H6PD: variants seen among roughly 807,000 people sequenced by gnomAD.
H6PD encodes GDH/6PGL endoplasmic bifunctional protein.
In H6PD, 48 loss-of-function variants were observed where a neutral mutation model predicts 61.2. The observed-to-expected ratio is 0.78, with a 90% CI of 0.62 to 1.00. The LOEUF is 1.00. Among genes scored for constraint, H6PD ranks in the 50% least tolerant of loss-of-function variants. The pLI is 0.00. For synonymous variants in H6PD, 480 were observed against 457.9 expected, an observed-to-expected ratio of 1.05 and a Z score of -0.62; for missense variants, 1,093 against 1,065.0, an observed-to-expected ratio of 1.03 and a Z score of -0.37.
rs1386319292 is a variant in H6PD at position 9,245,161 on chromosome 1, T to A, written c.227T>A (p.Leu76His). The change falls in exon 2 of 5, where the codon CTC becomes CAC. Residue 76 changes from leucine (L) to histidine (H), a missense_variant. Transcript: ENST00000377403. The surrounding 1 kb of genome is among the most constrained non-coding windows in gnomAD (Gnocchi z 4.8). ...ACAGCCCCCAAGCAGGGTCAAGAGCTCATGGCCAAGGCCCTGGAATCCCTC... is the reference window on the plus strand; with the variant it reads ...ACAGCCCCCAAGCAGGGTCAAGAGCACATGGCCAAGGCCCTGGAATCCCTC... ...ALTAPKQGQE[L>H]MAKALESLSC... is the part of the protein sequence containing the mutation. 6.2e-7 allele frequency: 1 copy of A among 1,614,074 alleles called. No homozygotes were observed. Among genetic ancestry groups the A allele is most frequent in the Non-Finnish European group, 8.5e-7 (1 of 1,180,048 alleles).
At chr1:9,250,572 T>C (rs1477787952) in intron 3 of H6PD, among the ~76,000 whole-genome samples, 2 of 150,548 alleles carry the variant, frequency 1.3e-5, no homozygotes, top group African/African-American at 4.9e-5. Context: ...CTCCCTACCC[T>C]GTCCTCTGCC....
chr1:9,251,808 C>T (rs1480494012), intron 3 of H6PD, among the ~76,000 whole-genome samples: 1 of 152,062 alleles, frequency 6.6e-6, no homozygotes, highest in Non-Finnish European at 1.5e-5. Flanking sequence ...TCTCCTTGGC[C>T]CTCACCTCTT....
intron 4 of H6PD, among the ~76,000 whole-genome samples, chr1:9,262,799 C>T (rs1638369250): frequency 6.6e-6 from 1 of 152,226 alleles, no homozygotes; most frequent in Non-Finnish European, 1.5e-5. Context: ...GCAGTAAGAG[C>T]CACAGCTGCC....
At position 9,254,956 on chromosome 1, in the gene H6PD, C is replaced by T. The variant is rs1373768381; in HGVS notation, c.746-7103C>T. On this transcript the variant is annotated intron_variant, in intron 3 of 4. Transcript: ENST00000377403. This position sits in a 1 kb window ranked among gnomAD's most constrained non-coding sequence, Gnocchi z 4.6. The stretch of plus-strand genomic sequence containing the variant: ...GATATTTTGTACATATAGGATCATA[C>T]GGTGTGTGGTTTCCATCAGTTAGCA... 2.6e-5 allele frequency among the ~76,000 whole-genome samples: 4 copies of T among 152,180 alleles called. No homozygotes were observed. Among genetic ancestry groups the T allele is most frequent in the East Asian group, 3.8e-4 (2 of 5,202 alleles).
At chr1:9,262,842 T>C (rs114466775) in intron 4 of H6PD, among the ~76,000 whole-genome samples, 10,581 of 152,234 alleles carry the variant, frequency 0.07, 1,193 homozygotes, top group African/African-American at 0.24. Flanking sequence ...AGGTGCTTTA[T>C]AGATGCCTCT....
chr1:9,243,804 C>T (rs567249059), intron 1 of H6PD, among the ~76,000 whole-genome samples: 105 of 148,940 alleles, frequency 7.0e-4, no homozygotes, highest in African/African-American at 2.1e-3. Context: ...TTGGTCCTCA[C>T]CTTGGGTTGG....
At chr1:9,255,072 A>G (rs981869189) in intron 3 of H6PD, among the ~76,000 whole-genome samples, 3 of 152,222 alleles carry the variant, frequency 2.0e-5, no homozygotes, top group African/African-American at 4.8e-5. Flanking sequence ...TAGATATACC[A>G]TAATTTATCC....
chr1:9,258,324 C>T (rs1641589967), intron 3 of H6PD, among the ~76,000 whole-genome samples: 1 of 151,986 alleles, frequency 6.6e-6, no homozygotes, highest in Non-Finnish European at 1.5e-5. Context: ...TATTGTTACG[C>T]CAGGGTTGTT....
chr1:9,262,445 G>T (rs1304767137), intron 4 of H6PD, 117 bp downstream of exon 4: 1 of 975,556 alleles, frequency 1.0e-6, no homozygotes, highest in Non-Finnish European at 1.5e-6. Flanking sequence ...TTCCCCCAGG[G>T]TGCTCGGAGG....
At chr1:9,263,077 C>T (rs1290815794) in intron 4 of H6PD, among the ~76,000 whole-genome samples, 1 of 152,100 alleles carries the variant, frequency 6.6e-6, no homozygotes, top group Non-Finnish European at 1.5e-5. Flanking sequence ...ACCTCTGACC[C>T]TGCGTCGGGT....
At position 9,269,247 on chromosome 1, in the gene H6PD, C is replaced by A. The variant is rs1638672895; in HGVS notation, c.*4378C>A. 6.6e-6 allele frequency: 1 copy of A among 152,326 alleles called. No individual in the cohort carries two copies. Among genetic ancestry groups the A allele is most frequent in the South Asian group, 2.1e-4 (1 of 4,836 alleles). 9.4% of individuals were successfully genotyped at this position (152,326 alleles called of 1,614,324 possible). A position where few individuals can be genotyped will look rare whatever the true frequency, so the allele number is the denominator to read the frequency against. Reference sequence around the variant, plus strand: ...CTAGGGGCCGCTTACCCCTGGCCGTCCGCTGGCTGAACTGAACGCATTCCC... The same window carrying A: ...CTAGGGGCCGCTTACCCCTGGCCGTACGCTGGCTGAACTGAACGCATTCCC... On this transcript the variant is annotated 3_prime_UTR_variant, in exon 5 of 5. Transcript: ENST00000377403. This position sits in a 1 kb window ranked among gnomAD's most constrained non-coding sequence, Gnocchi z 4.3.
intron 3 of H6PD, among the ~76,000 whole-genome samples, chr1:9,249,919 C>T (rs1641306750): frequency 6.6e-6 from 1 of 152,214 alleles, no homozygotes; most frequent in Admixed American, 6.5e-5. Context: ...AATGAGCTTG[C>T]TTGCTGCCTC....
At position 9,245,700 on chromosome 1, in the gene H6PD, G is replaced by A; in HGVS notation, c.627+139G>A. ...AGCTCCCATGGTCTCCTTGAAGGTG[G>A]GCAGGAGGCGAGCGGGTAAAGGAAA... is the stretch of plus-strand genomic sequence containing the variant. On this transcript the variant is annotated intron_variant, in intron 2 of 4. Coordinates refer to ENST00000377403, the MANE Select transcript of H6PD (RefSeq NM_004285.4). This position sits in a 1 kb window ranked among gnomAD's most constrained non-coding sequence, Gnocchi z 4.8. The A allele has an allele frequency of 3.5e-6, 3 of 856,034 alleles. No individual in the cohort carries two copies. The highest frequency in any genetic ancestry group is 5.8e-6 in the Non-Finnish European group (3 of 519,770). The allele number at this position is 856,034 out of a possible 1,614,324, so 53.0% of individuals were successfully genotyped here.
rs529376152 is a variant in H6PD at position 9,243,511 on chromosome 1, C to T, written c.-10-1414C>T. Among the ~76,000 whole-genome samples the T allele has an allele frequency of 2.0e-5, 3 of 152,272 alleles. No homozygotes were observed. In the East Asian group the frequency reaches 5.8e-4, roughly 29 times the overall value. ...TTCTGACTAGTTCCCATGGGCATGC[C>T]GGCCGTGATGACTTTCCCCCTCACT... On this transcript the variant is annotated intron_variant, in intron 1 of 4. Transcript: ENST00000377403.
rs368005946 is a variant in H6PD at position 9,264,358 on chromosome 1, G to A, written c.1865G>A (p.Arg622His). ...AHTHLWLVDE[R>H]CVPLSDPESN... ...ACGCACCTGTGGCTGGTTGACGAGC[G>A]CTGCGTCCCACTCTCAGACCCGGAG... Residue 622 changes from arginine to histidine, a missense_variant, in exon 5 of 5, where the codon CGC becomes CAC. Arg to His is a conservative substitution (Grantham distance 29, BLOSUM62 0). Transcript: ENST00000377403. 3.3e-4 allele frequency: 531 copies of A among 1,612,592 alleles called. No homozygotes were observed. Among genetic ancestry groups the A allele is most frequent in the East Asian group, 4.5e-4 (20 of 44,864 alleles).
rs1329471491 is a variant in H6PD, at chr1:9,246,961, G to T, written c.628-5G>T. 6.2e-7 allele frequency: 1 copy of T among 1,601,206 alleles called. No individual in the cohort carries two copies. Among genetic ancestry groups the T allele is most frequent in the Non-Finnish European group, 8.6e-7 (1 of 1,168,374 alleles). On this transcript the variant is annotated splice_region_variant and splice_polypyrimidine_tract_variant and intron_variant, in intron 2 of 4. Transcript: ENST00000377403. ...GCAGCACGCCCAGTCTTCCCCCCCC[G>T]ACAGGCTGTGGCGCAGATCCTGCCT... is the stretch of plus-strand genomic sequence containing the variant.
intron 3 of H6PD, among the ~76,000 whole-genome samples, chr1:9,259,648 C>T (rs535170786): frequency 7.9e-5 from 12 of 151,070 alleles, no homozygotes; most frequent in South Asian, 2.1e-4. Flanking sequence ...GCTGGTGTTA[C>T]GTTGTTGTTA....
At chr1:9,259,875 ATGT>A (rs1244698636) in intron 3 of H6PD, among the ~76,000 whole-genome samples, 7 of 139,880 alleles carry the variant, frequency 5.0e-5, no homozygotes, top group Admixed American at 6.9e-5. Context: ...CGCCGGTGTT[ATGT>A]TGTTGTTACA....
intron 3 of H6PD, among the ~76,000 whole-genome samples, chr1:9,258,397 TTGTTA>T (rs768969979): frequency 2.0e-5 from 3 of 151,362 alleles, no homozygotes; most frequent in Admixed American, 2.0e-4. Flanking sequence ...TATCCCAGTG[TTGTTA>T]TGTTGTTATG....
Sources: allele counts gnomAD v4.1 joint callset (sites outside exome capture counted in the v4.1 genomes callset), GRCh38; gene constraint gnomAD v4.1.1; non-coding constraint Gnocchi (gnomAD v3.1); transcripts MANE v1.5; gene names NCBI Gene and HGNC (gene_info 2026-07-23, HGNC 2026-07-21).